NEBL: variants seen among roughly 807,000 people sequenced by gnomAD.
The protein encoded by NEBL is LIM and SH3 protein 2.
In NEBL, 122 loss-of-function variants were observed where a neutral mutation model predicts 140.2. The observed-to-expected ratio is 0.87, with a 90% CI of 0.75 to 1.01. NEBL has a LOEUF of 1.01. NEBL is among the 50% of genes least tolerant of loss of function. NEBL has a pLI of 0.00. For missense variants in NEBL, 1,365 were observed against 1,231.3 expected (o/e 1.11, Z -1.62); for synonymous variants, 436 against 398.9 (o/e 1.09, Z -1.11).
At chr10:20,891,310 G>T (rs1273020640) in intron 2 of NEBL, among the ~76,000 whole-genome samples, 2 of 152,026 alleles carry the variant, frequency 1.3e-5, no homozygotes, top group African/African-American at 4.8e-5. Context: ...TTTCTTCTCA[G>T]AGATTAGCCA....
At chr10:21,030,613 C>A (rs1238002747) in intron 2 of NEBL, 2 of 586,778 alleles carry the variant, frequency 3.4e-6, no homozygotes, top group African/African-American at 3.8e-5. Flanking sequence ...TCCAGCTCAA[C>A]CGTCTGAGAA....
chr10:20,921,018 T>C (rs1378900333), intron 4 of NEBL, among the ~76,000 whole-genome samples: 2 of 150,872 alleles, frequency 1.3e-5, no homozygotes, highest in East Asian at 1.9e-4. Flanking sequence ...CCACTGAAAA[T>C]GTCTGGAGTA....
chr10:21,036,032 GC>G (rs1834003329), intron 2 of NEBL, among the ~76,000 whole-genome samples: 1 of 151,954 alleles, frequency 6.6e-6, no homozygotes. Context: ...GCATGGTGGC[GC>G]GCACCTGTAA....
chr10:20,814,154 G>A, intron 22 of NEBL, 111 bp from the exon 23 acceptor site: 1 of 758,578 alleles, frequency 1.3e-6, no homozygotes, highest in Non-Finnish European at 2.3e-6. Context: ...TTATTTTCCA[G>A]GTAACTATTT....
At chr10:21,227,517 T>C in intron 3 of NEBL, among the ~76,000 whole-genome samples, 1 of 152,254 alleles carries the variant, frequency 6.6e-6, no homozygotes, top group East Asian at 1.9e-4. Context: ...ACACTTTTTC[T>C]TGAAGGTGTT....
At chr10:21,027,038 T>C (rs1248053609) in intron 2 of NEBL, among the ~76,000 whole-genome samples, 2 of 152,214 alleles carry the variant, frequency 1.3e-5, no homozygotes, top group Non-Finnish European at 2.9e-5. Flanking sequence ...GCGCATCTTG[T>C]GTGGCTCTGC....
intron 3 of NEBL, among the ~76,000 whole-genome samples, chr10:21,009,995 T>C (rs1589133028): frequency 1.3e-5 from 2 of 152,330 alleles, no homozygotes; most frequent in South Asian, 2.1e-4. Flanking sequence ...GAATTCTATA[T>C]TGTCCTATAA....
intron 3 of NEBL, among the ~76,000 whole-genome samples, chr10:21,199,111 A>T (rs1430001315): frequency 6.6e-6 from 1 of 151,566 alleles, no homozygotes; most frequent in Non-Finnish European, 1.5e-5. Context: ...TGCAGCCTCC[A>T]ACTCCTAGGC....
intron 2 of NEBL, among the ~76,000 whole-genome samples, chr10:21,164,779 C>T (rs544011817): frequency 6.6e-6 from 1 of 152,182 alleles, no homozygotes; most frequent in Non-Finnish European, 1.5e-5. Context: ...TACACTGGAA[C>T]CTTTTTATTG....
chr10:21,085,522 CTACTTG>C (rs1836583759), intron 2 of NEBL, among the ~76,000 whole-genome samples: 6 of 152,136 alleles, frequency 3.9e-5, no homozygotes, highest in African/African-American at 1.4e-4. Flanking sequence ...ATGGTCCCAG[CTACTTG>C]GGAGACTGAG....
intron 1 of NEBL, among the ~76,000 whole-genome samples, chr10:21,259,206 G>C (rs1335409251): frequency 6.6e-6 from 1 of 151,954 alleles, no homozygotes; most frequent in African/African-American, 2.4e-5. Context: ...TTGTGCCTCA[G>C]CCTCCCGAGC....
At chr10:21,082,749 C>A (rs1836439104) in intron 2 of NEBL, among the ~76,000 whole-genome samples, 2 of 139,268 alleles carry the variant, frequency 1.4e-5, no homozygotes, top group African/African-American at 2.6e-5. Flanking sequence ...ATGGGATATG[C>A]AGGAGGGATG....
chr10:20,800,217 T>C (rs1209959048), intron 26 of NEBL, among the ~76,000 whole-genome samples: 1 of 151,608 alleles, frequency 6.6e-6, no homozygotes, highest in African/African-American at 2.4e-5. Flanking sequence ...AGTGGGATCA[T>C]GCAATATTTT....
At chr10:20,934,226 A>G (rs1834358038) in intron 4 of NEBL, among the ~76,000 whole-genome samples, 2 of 152,160 alleles carry the variant, frequency 1.3e-5, no homozygotes, top group African/African-American at 4.8e-5. Context: ...TATTCCTTCT[A>G]TTACAGAGAG....
intron 4 of NEBL, among the ~76,000 whole-genome samples, chr10:20,919,703 A>G (rs565080569): frequency 6.6e-6 from 1 of 152,360 alleles, no homozygotes; most frequent in East Asian, 1.9e-4. Context: ...ATCCAAATGC[A>G]GAATATGAAA....
Position 20,817,696 on chromosome 10 carries a change from A to T in NEBL, c.2056-4T>A, listed in dbSNP as rs1245063373. 2.5e-6 allele frequency: 4 copies of T among 1,602,916 alleles called. No individual in the cohort carries two copies. The highest frequency in any genetic ancestry group is 3.4e-6 in the Non-Finnish European group (4 of 1,169,818). On this transcript the variant is annotated splice_polypyrimidine_tract_variant and splice_region_variant and intron_variant, in intron 20 of 27. Transcript: ENST00000377122. ...GAAGTTCTCCCTTATATTTTACCTA[A>T]GAAGGATAAATAAGAACTTTAACAG...
At chr10:20,998,217 C>A (rs1483607853) in intron 3 of NEBL, among the ~76,000 whole-genome samples, 1 of 152,120 alleles carries the variant, frequency 6.6e-6, no homozygotes, top group Non-Finnish European at 1.5e-5. Flanking sequence ...TCGGAAAGTC[C>A]TGAGGCCAAA....
At chr10:20,939,293 G>A (rs1169751970) in intron 4 of NEBL, among the ~76,000 whole-genome samples, 1 of 152,178 alleles carries the variant, frequency 6.6e-6, no homozygotes, top group Non-Finnish European at 1.5e-5. Flanking sequence ...CATTCTTAAA[G>A]AAAAGAATTT....
chr10:21,227,704 CTTCTTCT>C (rs1275961058), intron 3 of NEBL, among the ~76,000 whole-genome samples: 461 of 74,378 alleles, frequency 6.2e-3, no homozygotes, highest in African/African-American at 0.019. Context: ...TCTTCTTCTT[CTTCTTCT>C]TTCTTCTTCT....
Sources: gnomAD v4.1 joint callset for allele counts (sites outside exome capture counted in the v4.1 genomes callset) on GRCh38, gnomAD v4.1.1 for gene constraint, MANE v1.5 for transcripts, NCBI Gene and HGNC (gene_info 2026-07-23, HGNC 2026-07-21) for gene names.